TMEM192: variants seen among roughly 807,000 people sequenced by gnomAD.
The protein encoded by TMEM192 is transmembrane protein 192.
Under a neutral mutation model 26.7 loss-of-function variants are expected in TMEM192, and 20 were observed. That is an observed-to-expected ratio of 0.75 (90% CI 0.53 to 1.09). The LOEUF is 1.09. TMEM192 is among the 50% of genes least tolerant of loss of function. TMEM192 has a pLI of 0.00. For synonymous variants in TMEM192, 124 were observed against 121.0 expected, an observed-to-expected ratio of 1.02 and a Z score of -0.16; for missense variants, 304 against 322.6, an observed-to-expected ratio of 0.94 and a Z score of 0.44.
At chr4:165,107,321 CT>C (rs113293161) in intron 1 of TMEM192, among the ~76,000 whole-genome samples, 2 of 147,104 alleles carry the variant, frequency 1.4e-5, no homozygotes, top group South Asian at 2.2e-4. Flanking sequence ...TGTACCCAAC[CT>C]TTTTTTTTAA....
chr4:165,079,916 T>C, intron 5 of TMEM192, 120 bp from the exon 6 acceptor site: 4 of 884,422 alleles, frequency 4.5e-6, no homozygotes, highest in Non-Finnish European at 3.2e-6. Flanking sequence ...TTTTCTTAGA[T>C]GTCAGAAGCC....
intron 2 of TMEM192, among the ~76,000 whole-genome samples, chr4:165,102,087 C>G (rs1735050942): frequency 1.3e-5 from 2 of 152,186 alleles, no homozygotes; most frequent in Admixed American, 6.6e-5. Context: ...GCAGTGGAGT[C>G]ACCACCAGTG....
chr4:165,112,713 C>T, intron 1 of TMEM192, 34 bp downstream of exon 1: 2 of 1,608,154 alleles, frequency 1.2e-6, no homozygotes, highest in South Asian at 2.2e-5. Flanking sequence ...AAGCGGATTC[C>T]GGGGCCAACC....
At chr4:165,100,447 C>T (rs900810397) in intron 3 of TMEM192, among the ~76,000 whole-genome samples, 181 bp downstream of exon 3, 8 of 152,096 alleles carry the variant, frequency 5.3e-5, no homozygotes, top group Non-Finnish European at 1.2e-4. Flanking sequence ...CGTGAGCCAC[C>T]GCACCCGGCC....
Position 165,071,720 on chromosome 4 carries a change from C to T in TMEM192, c.*7938G>A, listed in dbSNP as rs954191984. On this transcript the variant is annotated 3_prime_UTR_variant, in exon 6 of 6. Coordinates refer to ENST00000306480, the MANE Select transcript of TMEM192 (RefSeq NM_001100389.2). ...AGCAATCCAAAAGCCACAGTGTGAC[C>T]GACGCAGGGTACACAAAGGAAGAGT... 5.9e-5 allele frequency: 9 copies of T among 151,968 alleles called. No homozygotes were observed. Among genetic ancestry groups the T allele is most frequent in the Admixed American group, 1.3e-4 (2 of 15,218 alleles). The allele number at this position is 151,968 out of a possible 1,614,324, so 9.4% of individuals were successfully genotyped here. A position where few individuals can be genotyped will look rare whatever the true frequency, so the allele number is the denominator to read the frequency against.
chr4:165,109,103 T>C (rs533499746), intron 1 of TMEM192, among the ~76,000 whole-genome samples: 1 of 152,200 alleles, frequency 6.6e-6, no homozygotes, highest in Non-Finnish European at 1.5e-5. Context: ...AGTTACTCCA[T>C]GTTGGCTGGG....
intron 5 of TMEM192, among the ~76,000 whole-genome samples, chr4:165,081,364 T>C (rs1295948046): frequency 1.3e-5 from 2 of 151,896 alleles, no homozygotes; most frequent in Non-Finnish European, 2.9e-5. Flanking sequence ...ATACTGACTT[T>C]TTTTTTTTTG....
chr4:165,109,165 C>T (rs1735239119), intron 1 of TMEM192, among the ~76,000 whole-genome samples: 1 of 152,158 alleles, frequency 6.6e-6, no homozygotes, highest in African/African-American at 2.4e-5. Context: ...TCATAACCTA[C>T]CATACTAAGC....
chr4:165,111,661 T>C (rs1209923859), intron 1 of TMEM192: 1 of 152,232 alleles, frequency 6.6e-6, no homozygotes, highest in Non-Finnish European at 1.5e-5. Flanking sequence ...GTCTTACAGT[T>C]AATTTTCCAT....
chr4:165,093,084 GTTTTTTTTTCTTCTT>G (rs1443421394), intron 3 of TMEM192, among the ~76,000 whole-genome samples: 1 of 131,904 alleles, frequency 7.6e-6, no homozygotes, highest in Non-Finnish European at 1.6e-5. Flanking sequence ...CAGTTTTATG[GTTTTTTTTTCTTCTT>G]TTTTTTTTTT....
intron 4 of TMEM192, among the ~76,000 whole-genome samples, chr4:165,086,215 T>C (rs1401793360): frequency 6.6e-6 from 1 of 151,826 alleles, no homozygotes; most frequent in African/African-American, 2.4e-5. Context: ...GAAAAGAGGA[T>C]AGAGTTTGAG....
At chr4:165,099,825 T>G (rs1339618798) in intron 3 of TMEM192, among the ~76,000 whole-genome samples, 1 of 152,124 alleles carries the variant, frequency 6.6e-6, no homozygotes, top group East Asian at 1.9e-4. Context: ...GGCATGCACC[T>G]GTAGTCTCAG....
chr4:165,103,531 TGAGATAGAG>T (rs1735095173), intron 1 of TMEM192, among the ~76,000 whole-genome samples: 3 of 131,296 alleles, frequency 2.3e-5, no homozygotes, highest in East Asian at 2.3e-4. Flanking sequence ...TTTTTTTTTT[TGAGATAGAG>T]TTTCACTCTT....
At chr4:165,096,635 T>A (rs1560931985) in intron 3 of TMEM192, among the ~76,000 whole-genome samples, 1 of 151,696 alleles carries the variant, frequency 6.6e-6, no homozygotes, top group African/African-American at 2.4e-5. Context: ...TTATCTTTTT[T>A]TTTTTTTGCA....
At chr4:165,103,217 G>A in intron 1 of TMEM192, 121 bp from the exon 2 acceptor site, 1 of 751,312 alleles carries the variant, frequency 1.3e-6, no homozygotes, top group South Asian at 6.0e-5. Flanking sequence ...AGAACACATT[G>A]CCTACCTGAA....
Position 165,088,601 on chromosome 4 carries a change from G to A in TMEM192, c.441C>T (p.Gly147=), listed in dbSNP as rs199725760. 1.4e-5 allele frequency: 22 copies of A among 1,608,248 alleles called. No individual in the cohort carries two copies. In the East Asian group the frequency reaches 4.7e-4, roughly 34 times the overall value. Residue 147 remains glycine, a splice_region_variant and synonymous_variant, in exon 4 of 6, where the codon GGC becomes GGT. Transcript: ENST00000306480. Reference sequence around the variant, plus strand: ...ACAGTATGAGGAGAAGCACTGTGTTGCCTGAGGAGGAGAAACATAAAACAC... The same window carrying A: ...ACAGTATGAGGAGAAGCACTGTGTTACCTGAGGAGGAGAAACATAAAACAC... ...KRLALMIQSS[G]NTVLLLILCM...
At chr4:165,103,840 G>T (rs1293494386) in intron 1 of TMEM192, among the ~76,000 whole-genome samples, 1 of 151,536 alleles carries the variant, frequency 6.6e-6, no homozygotes, top group African/African-American at 2.4e-5. Context: ...GCTAATTTTT[G>T]TATTTTCAGT....
intron 4 of TMEM192, among the ~76,000 whole-genome samples, chr4:165,087,726 G>C (rs1424076097): frequency 6.6e-6 from 1 of 152,116 alleles, no homozygotes; most frequent in Non-Finnish European, 1.5e-5. Context: ...GATCACCTGA[G>C]GTCAGGAGTT....
intron 3 of TMEM192, 72 bp downstream of exon 3, chr4:165,100,556 A>T (rs923745181): frequency 6.1e-6 from 9 of 1,487,414 alleles, no homozygotes; most frequent in African/African-American, 1.4e-5. Flanking sequence ...CTAAAATCAA[A>T]CTTCATATAT....
Sources: allele counts gnomAD v4.1 joint callset (sites outside exome capture counted in the v4.1 genomes callset), GRCh38; gene constraint gnomAD v4.1.1; transcripts MANE v1.5; gene names NCBI Gene and HGNC (gene_info 2026-07-23, HGNC 2026-07-21).